The following QSOX1 variants were observed in gnomAD, a reference collection of about 807,000 sequenced individuals.
QSOX1 encodes sulfhydryl oxidase 1.
QSOX1 carries 40 observed loss-of-function variants against 76.1 expected under a neutral mutation model. The ratio of observed to expected loss-of-function variants is 0.53; its 90% confidence interval spans 0.41 to 0.68. The LOEUF (loss-of-function observed/expected upper bound fraction) is 0.68. QSOX1 is among the 30% of genes least tolerant of loss of function. The pLI is 0.00. For synonymous variants in QSOX1, 392 were observed against 413.1 expected (o/e 0.95, Z 0.62); for missense variants, 931 against 974.3 (o/e 0.96, Z 0.59).
chr1:180,162,299 T>A (rs1309124782), intron 1 of QSOX1, among the ~76,000 whole-genome samples: 2 of 152,244 alleles, frequency 1.3e-5, no homozygotes, highest in Non-Finnish European at 2.9e-5. Flanking sequence ...TGAGCCTAAC[T>A]AGTTTAGTAT....
rs1662879815 is a variant in QSOX1 at position 180,175,913 on chromosome 1, GC to G, written c.413-16del. On this transcript the variant is annotated splice_polypyrimidine_tract_variant and intron_variant, in intron 3 of 11. Coordinates refer to ENST00000367602, the MANE Select transcript of QSOX1 (RefSeq NM_002826.5). ...TCTGCTCTCCTGACACTCCGCTCAC[GC>G]CTGTTTTCATTTACAGTGGCTGGTG... 3.8e-6 allele frequency: 6 copies of G among 1,565,016 alleles called. No homozygotes were observed. The highest frequency in any genetic ancestry group is 5.2e-6 in the Non-Finnish European group (6 of 1,150,906).
intron 8 of QSOX1, among the ~76,000 whole-genome samples, chr1:180,186,461 C>G (rs558719916): frequency 1.3e-5 from 2 of 152,360 alleles, no homozygotes; most frequent in South Asian, 4.1e-4. Flanking sequence ...CCAGCTGATT[C>G]AGTGACTGTG....
chr1:180,194,998 G>GC (rs1553275515), intron 11 of QSOX1, among the ~76,000 whole-genome samples: 28 of 147,016 alleles, frequency 1.9e-4, no homozygotes, highest in Non-Finnish European at 2.2e-4. Flanking sequence ...CAGCCTCCCG[G>GC]GGGGGGGAGA....
intron 10 of QSOX1, among the ~76,000 whole-genome samples, chr1:180,192,045 C>A (rs759998383): frequency 6.6e-6 from 1 of 152,090 alleles, no homozygotes; most frequent in Admixed American, 6.5e-5. Context: ...TAGGGCCCAC[C>A]CTAATGACCT....
intron 10 of QSOX1, 113 bp downstream of exon 10, chr1:180,190,693 C>T: frequency 1.5e-6 from 2 of 1,324,306 alleles, no homozygotes; most frequent in South Asian, 2.8e-5. Flanking sequence ...CTCCCAGCTG[C>T]CAGAAGATGG....
intron 2 of QSOX1, among the ~76,000 whole-genome samples, chr1:180,168,486 C>T (rs1484224783): frequency 6.6e-6 from 1 of 152,250 alleles, no homozygotes; most frequent in African/African-American, 2.4e-5. Flanking sequence ...CTTGAGCTGG[C>T]AGGTCTCTGC....
chr1:180,180,440 C>T (rs1324988701), intron 5 of QSOX1, among the ~76,000 whole-genome samples: 1 of 152,192 alleles, frequency 6.6e-6, no homozygotes, highest in Non-Finnish European at 1.5e-5. Flanking sequence ...AAACTCCTGA[C>T]CTCAGGAGAT....
At position 180,161,948 on chromosome 1, in the gene QSOX1, C is replaced by T. The variant is rs12036985; in HGVS notation, c.266-4543C>T. The stretch of plus-strand genomic sequence containing the variant: ...GGATCTCCTTGAAGATGAAGCACTT[C>T]AGGATTATAGTTGCTTAGAAAAAAG... On this transcript the variant is annotated intron_variant, in intron 1 of 11. Coordinates refer to ENST00000367602, the MANE Select transcript of QSOX1 (RefSeq NM_002826.5). 0.022 allele frequency among the ~76,000 whole-genome samples: 3,409 copies of T among 152,174 alleles called. 186 individuals carry two copies. The East Asian group carries it at 0.23, about 10-fold the overall frequency.
chr1:180,192,509 T>G (rs1377306108), intron 10 of QSOX1, among the ~76,000 whole-genome samples: 1 of 152,160 alleles, frequency 6.6e-6, no homozygotes, highest in Non-Finnish European at 1.5e-5. Flanking sequence ...GTTGTCAGTG[T>G]GCCCCTGGAG....
intron 2 of QSOX1, among the ~76,000 whole-genome samples, chr1:180,172,707 C>A (rs10913937): frequency 0.59 from 88,889 of 151,788 alleles, 27,853 homozygotes; most frequent in Non-Finnish European, 0.69. Flanking sequence ...TTAGTAGAGA[C>A]GGGGTTTTAC....
At position 180,197,889 on chromosome 1, in the gene QSOX1, G is replaced by A; in HGVS notation, c.*852G>A. On this transcript the variant is annotated 3_prime_UTR_variant, in exon 12 of 12. Coordinates refer to ENST00000367602, the MANE Select transcript of QSOX1 (RefSeq NM_002826.5). Reference sequence around the variant, plus strand: ...GAGGGTGCCAGGTAGAAGCTAGGGAGGGGAGTGTCTTCTCTCTCCAGGTTT... The same window carrying A: ...GAGGGTGCCAGGTAGAAGCTAGGGAAGGGAGTGTCTTCTCTCTCCAGGTTT... 1 of 306,844 alleles carries A rather than the reference G, an allele frequency of 3.3e-6. No homozygotes were observed. The highest frequency in any genetic ancestry group is 6.5e-6 in the Non-Finnish European group (1 of 154,760). 19.0% of individuals were successfully genotyped at this position (306,844 alleles called of 1,614,324 possible).
intron 1 of QSOX1, among the ~76,000 whole-genome samples, chr1:180,159,172 C>G (rs1314336899): frequency 2.6e-5 from 4 of 152,250 alleles, no homozygotes; most frequent in African/African-American, 9.6e-5. Flanking sequence ...CCACCCTTCC[C>G]CTCTCCATTA....
chr1:180,198,307 G>A lies in QSOX1; in HGVS notation c.*1270G>A. 2.2e-6 allele frequency: 1 copy of A among 456,696 alleles called. No homozygotes were observed. The highest frequency in any genetic ancestry group is 4.4e-6 in the Non-Finnish European group (1 of 226,974). The allele number at this position is 456,696 out of a possible 1,614,324, so 28.3% of individuals were successfully genotyped here. ...AGTGCCCTGGGCTGGTGAGGGAGAA[G>A]CCTGTCTGCACCTGCCTAATTCCAG... On this transcript the variant is annotated 3_prime_UTR_variant, in exon 12 of 12. Coordinates refer to ENST00000367602, the MANE Select transcript of QSOX1 (RefSeq NM_002826.5).
At chr1:180,170,420 A>T (rs1392094815) in intron 2 of QSOX1, among the ~76,000 whole-genome samples, 1 of 152,178 alleles carries the variant, frequency 6.6e-6, no homozygotes, top group African/African-American at 2.4e-5. Flanking sequence ...TTAAAACGTT[A>T]TAAAAGCTGG....
intron 6 of QSOX1, among the ~76,000 whole-genome samples, chr1:180,182,750 G>A (rs1663072524): frequency 6.6e-6 from 1 of 152,186 alleles, no homozygotes; most frequent in African/African-American, 2.4e-5. Flanking sequence ...GTTCCAAAAT[G>A]CCGAGAGAAA....
rs57807046 is a variant in QSOX1 at position 180,185,405 on chromosome 1, G to A, written c.888-648G>A. Among the ~76,000 whole-genome samples the A allele has an allele frequency of 0.022, 3,387 of 152,290 alleles. 186 individuals are homozygous for A. In the East Asian group the frequency reaches 0.23, roughly 10 times the overall value. ...CCCTGCCATCAGAACCCTGAGCCTG[G>A]ACCCCAGCATGATGGGCCTGGGGCC... On this transcript the variant is annotated intron_variant, in intron 7 of 11. Coordinates refer to ENST00000367602, the MANE Select transcript of QSOX1 (RefSeq NM_002826.5).
intron 1 of QSOX1, among the ~76,000 whole-genome samples, chr1:180,165,773 G>C (rs1396819296): frequency 2.0e-5 from 3 of 152,238 alleles, no homozygotes; most frequent in African/African-American, 4.8e-5. Flanking sequence ...AGAGCTGCCT[G>C]GTATATGAGC....
chr1:180,195,417 C>A (rs977625462), intron 11 of QSOX1, among the ~76,000 whole-genome samples: 3 of 152,234 alleles, frequency 2.0e-5, no homozygotes, highest in African/African-American at 7.2e-5. Context: ...TTCTGACTTG[C>A]ATGCCACTTG....
chr1:180,154,973 C>T lies in QSOX1; in HGVS notation c.66C>T (p.Leu22=), dbSNP rs761956309. 1.3e-6 allele frequency: 2 copies of T among 1,505,964 alleles called. No individual in the cohort carries two copies. The highest frequency in any genetic ancestry group is 2.5e-5 in the South Asian group (2 of 80,972). The allele number at this position is 1,505,964 out of a possible 1,614,324, so 93.3% of individuals were successfully genotyped here. The change falls in exon 1 of 12, where the codon CTC becomes CTT. Residue 22 remains leucine (L), a synonymous_variant. Coordinates refer to ENST00000367602, the MANE Select transcript of QSOX1 (RefSeq NM_002826.5). The part of the protein sequence containing the change: ...PSLLLLLLWL[L]AVPGANAAPR... The stretch of plus-strand genomic sequence containing the variant: ...TGCTGCTGCTGCTGCTGTGGCTGCT[C>T]GCGGTTCCCGGCGCTAACGCGGCCC...
Sources: gnomAD v4.1 joint callset for allele counts (sites outside exome capture counted in the v4.1 genomes callset) on GRCh38, gnomAD v4.1.1 for gene constraint, MANE v1.5 for transcripts, NCBI Gene and HGNC (gene_info 2026-07-23, HGNC 2026-07-21) for gene names.